Variants in PARP11 observed in about 807,000 individuals in gnomAD.
PARP11 encodes the protein poly(ADP-ribose) polymerase family member 11.
A neutral mutation model predicts 42.9 loss-of-function variants in PARP11; 31 were observed. The observed-to-expected ratio is 0.72, with a 90% CI of 0.54 to 0.98. The LOEUF is 0.98. PARP11 is among the 50% of genes least tolerant of loss of function. The pLI, the probability that PARP11 is intolerant of heterozygous loss-of-function variation, is 0.00. For missense variants in PARP11, 365 were observed against 413.1 expected, an observed-to-expected ratio of 0.88 and a Z score of 1.01; for synonymous variants, 137 against 127.3, an observed-to-expected ratio of 1.08 and a Z score of -0.51.
At chr12:3,862,838 T>C (rs2138120287) in intron 1 of PARP11, among the ~76,000 whole-genome samples, 1 of 152,274 alleles carries the variant, frequency 6.6e-6, no homozygotes, top group South Asian at 2.1e-4. Flanking sequence ...TGCTTCACAT[T>C]GAATCATTAA....
At chr12:3,868,231 C>T (rs184247914) in intron 1 of PARP11, among the ~76,000 whole-genome samples, 1 of 152,254 alleles carries the variant, frequency 6.6e-6, no homozygotes, top group Admixed American at 6.5e-5. Context: ...GAGGCCTAGG[C>T]GGGTGGATCA....
At chr12:3,870,369 T>G (rs1256510955) in intron 1 of PARP11, among the ~76,000 whole-genome samples, 1 of 152,222 alleles carries the variant, frequency 6.6e-6, no homozygotes, top group East Asian at 1.9e-4. Context: ...TCCCCACTTT[T>G]AACAAAAGTC....
At chr12:3,839,526 C>G (rs1947844559) in intron 1 of PARP11, 3 of 1,592,728 alleles carry the variant, frequency 1.9e-6, no homozygotes, top group Non-Finnish European at 1.7e-6. Flanking sequence ...TTCGAGAGAA[C>G]AGAGAGAAAT....
At chr12:3,839,378 A>T in intron 1 of PARP11, 3 of 1,547,930 alleles carry the variant, frequency 1.9e-6, no homozygotes, top group Non-Finnish European at 2.6e-6. Context: ...ACGCCCATGG[A>T]CGCCTATCTG....
At chr12:3,834,513 A>T (rs1005734989) in intron 1 of PARP11, among the ~76,000 whole-genome samples, 7 of 151,912 alleles carry the variant, frequency 4.6e-5, no homozygotes, top group Admixed American at 4.6e-4. Context: ...GTGCACCTGT[A>T]GTTCCAGCTA....
intron 1 of PARP11, among the ~76,000 whole-genome samples, chr12:3,859,047 G>A (rs1287065145): frequency 4.7e-5 from 7 of 149,586 alleles, no homozygotes; most frequent in African/African-American, 1.7e-4. Context: ...ACAGTGAGCC[G>A]AGATCATGTC....
At chr12:3,841,264 A>G in intron 1 of PARP11, 1 of 1,344,178 alleles carries the variant, frequency 7.4e-7, no homozygotes, top group South Asian at 1.2e-5. Context: ...AGATAAGAAT[A>G]TTCTTCGATT....
chr12:3,812,036 T>C lies in PARP11; in HGVS notation c.*87A>G. ...ATCTGTTTCAAAAGTATCAGATAAT[T>C]AACATTTAGTGGCTAGATGACTGAA... is the stretch of plus-strand genomic sequence containing the variant. On this transcript the variant is annotated 3_prime_UTR_variant, in exon 8 of 8. Coordinates refer to ENST00000228820, the MANE Select transcript of PARP11 (RefSeq NM_020367.6). 1 of 974,932 alleles carries C rather than the reference T, an allele frequency of 1.0e-6. No individual in the cohort carries two copies. The highest frequency in any genetic ancestry group is 1.5e-6 in the Non-Finnish European group (1 of 657,422). 60.4% of individuals were successfully genotyped at this position (974,932 alleles called of 1,614,324 possible). A position where few individuals can be genotyped will look rare whatever the true frequency, so the allele number is the denominator to read the frequency against.
At chr12:3,859,097 CAA>C (rs750995549) in intron 1 of PARP11, among the ~76,000 whole-genome samples, 10 of 89,208 alleles carry the variant, frequency 1.1e-4, no homozygotes, top group Admixed American at 1.2e-4. Context: ...GACTCCATCT[CAA>C]AAAAAAAAAA....
chr12:3,871,805 C>T (rs895464350), intron 1 of PARP11: 25 of 152,180 alleles, frequency 1.6e-4, no homozygotes, highest in African/African-American at 5.8e-4. Context: ...AAGTATGACA[C>T]TTTGGCATGC....
chr12:3,853,072 T>G (rs954528464), intron 1 of PARP11, among the ~76,000 whole-genome samples: 3 of 152,142 alleles, frequency 2.0e-5, no homozygotes, highest in African/African-American at 7.2e-5. Flanking sequence ...CCTTTACAGA[T>G]AAGCAAATGC....
intron 1 of PARP11, among the ~76,000 whole-genome samples, chr12:3,833,212 A>G (rs1381979051): frequency 6.6e-6 from 1 of 152,234 alleles, no homozygotes; most frequent in Non-Finnish European, 1.5e-5. Flanking sequence ...ACATATAAAG[A>G]AGATCTCAAA....
intron 1 of PARP11, chr12:3,842,011 G>C (rs1262011925): frequency 1.2e-6 from 2 of 1,611,216 alleles, no homozygotes; most frequent in Non-Finnish European, 1.7e-6. Context: ...ACGAAAGGCA[G>C]ATATGGCATT....
At chr12:3,871,171 C>T (rs1948471127) in intron 1 of PARP11, among the ~76,000 whole-genome samples, 1 of 151,974 alleles carries the variant, frequency 6.6e-6, no homozygotes, top group African/African-American at 2.4e-5. Context: ...AAATATATTC[C>T]AGAAATGAGA....
intron 1 of PARP11, chr12:3,841,782 C>T: frequency 6.2e-7 from 1 of 1,611,606 alleles, no homozygotes; most frequent in Non-Finnish European, 8.5e-7. Flanking sequence ...TTCAGGGATT[C>T]ATAGAAAATC....
chr12:3,856,067 CT>C (rs1948184312), intron 1 of PARP11, among the ~76,000 whole-genome samples: 1 of 151,796 alleles, frequency 6.6e-6, no homozygotes, highest in South Asian at 2.1e-4. Flanking sequence ...GCTGGGAAAA[CT>C]GGCTAGAAAG....
At chr12:3,828,544 C>G (rs930681837) in intron 3 of PARP11, among the ~76,000 whole-genome samples, 1 of 75,936 alleles carries the variant, frequency 1.3e-5, no homozygotes, top group Admixed American at 1.2e-4. Context: ...TGAGACGTCT[C>G]AAAAAAAAAA....
chr12:3,867,574 A>G (rs1948414166), intron 1 of PARP11, among the ~76,000 whole-genome samples: 1 of 152,208 alleles, frequency 6.6e-6, no homozygotes, highest in Non-Finnish European at 1.5e-5. Flanking sequence ...CTGATTTTTA[A>G]TGCTGAGAAT....
intron 1 of PARP11, chr12:3,842,302 A>G (rs1245674199): frequency 6.9e-6 from 11 of 1,602,988 alleles, no homozygotes; most frequent in Non-Finnish European, 8.5e-6. Context: ...GCAGTTCTAT[A>G]ATCAAACTTA....
Sources: allele counts gnomAD v4.1 joint callset (sites outside exome capture counted in the v4.1 genomes callset), GRCh38; gene constraint gnomAD v4.1.1; transcripts MANE v1.5; gene names NCBI Gene and HGNC (gene_info 2026-07-23, HGNC 2026-07-21).